STK33: variants seen among roughly 807,000 people sequenced by gnomAD.
STK33 encodes the protein serine/threonine-protein kinase 33.
STK33 carries 52 observed loss-of-function variants against 58.0 expected under a neutral mutation model. The observed-to-expected ratio is 0.90, with a 90% CI of 0.72 to 1.13. STK33 has a LOEUF of 1.13. Among genes scored for constraint, STK33 ranks in the 50% most tolerant of loss-of-function variants. STK33 has a pLI of 0.00. For synonymous variants in STK33, 215 were observed against 200.1 expected, an observed-to-expected ratio of 1.07 and a Z score of -0.63; for missense variants, 630 against 604.2, an observed-to-expected ratio of 1.04 and a Z score of -0.45.
At chr11:8,564,532 T>A (rs1271951298) in intron 1 of STK33, among the ~76,000 whole-genome samples, 3 of 152,194 alleles carry the variant, frequency 2.0e-5, no homozygotes, top group Non-Finnish European at 4.4e-5. Context: ...AACTTTCCAT[T>A]TGCTTGCCCT....
At chr11:8,355,697 A>T in the STK33 span, among the ~76,000 whole-genome samples, 2 of 152,346 alleles carry the variant, frequency 1.3e-5, no homozygotes, top group African/African-American at 4.8e-5. Context: ...ACAGGCCACT[A>T]AGCTTTTCTG....
chr11:8,421,887 G>A (rs181973780), intron 14 of STK33, among the ~76,000 whole-genome samples: 94 of 152,136 alleles, frequency 6.2e-4, no homozygotes, highest in Non-Finnish European at 6.0e-4. Flanking sequence ...CTAATGAGTA[G>A]AAGTGCAATT....
chr11:8,403,249 A>C (rs1047052917), intron 15 of STK33, among the ~76,000 whole-genome samples: 1 of 152,208 alleles, frequency 6.6e-6, no homozygotes, highest in Non-Finnish European at 1.5e-5. Flanking sequence ...TATCATCAGA[A>C]AGCATTTTAG....
At chr11:8,361,459 C>T in the STK33 span, among the ~76,000 whole-genome samples, 1 of 152,084 alleles carries the variant, frequency 6.6e-6, no homozygotes, top group African/African-American at 2.4e-5. The surrounding 1 kb of genome is among the most constrained non-coding windows in gnomAD (Gnocchi z 4.8). Flanking sequence ...AGGCCCCGCC[C>T]TTCACCCCAG....
chr11:8,430,932 T>A (rs1042409006), intron 14 of STK33, among the ~76,000 whole-genome samples: 1 of 150,338 alleles, frequency 6.7e-6, no homozygotes, highest in Non-Finnish European at 1.5e-5. Flanking sequence ...AGTGGTGCGA[T>A]CTTGGCTCAC....
At chr11:8,394,380 T>C (rs996903581) in intron 15 of STK33, among the ~76,000 whole-genome samples, 2 of 152,256 alleles carry the variant, frequency 1.3e-5, no homozygotes, top group South Asian at 2.1e-4. Context: ...TGAATCTAAG[T>C]GTAACCTTCT....
At chr11:8,410,470 CTTTT>C (rs11382344) in intron 15 of STK33, among the ~76,000 whole-genome samples, 2 of 121,846 alleles carry the variant, frequency 1.6e-5, no homozygotes, top group Non-Finnish European at 3.3e-5. Context: ...CTTTTCTTTT[CTTTT>C]TTTTTTTTTT....
chr11:8,593,382 G>A (rs1316402485), intron 1 of STK33, among the ~76,000 whole-genome samples: 3 of 152,122 alleles, frequency 2.0e-5, no homozygotes, highest in Admixed American at 2.0e-4. Flanking sequence ...TATGGGACGG[G>A]GAGCACCAGA....
At chr11:8,455,366 C>T (rs747119066) in intron 9 of STK33, among the ~76,000 whole-genome samples, 1 of 152,098 alleles carries the variant, frequency 6.6e-6, no homozygotes, top group Non-Finnish European at 1.5e-5. Flanking sequence ...AACAAACAAA[C>T]AAAAACCCTT....
chr11:8,396,922 C>T (rs1849452906), intron 15 of STK33, among the ~76,000 whole-genome samples: 1 of 152,200 alleles, frequency 6.6e-6, no homozygotes, highest in Admixed American at 6.5e-5. Context: ...GAGAGGGGCG[C>T]CCGCCATTGC....
At chr11:8,570,258 CA>C (rs1957717573) in intron 1 of STK33, among the ~76,000 whole-genome samples, 1 of 152,066 alleles carries the variant, frequency 6.6e-6, no homozygotes, top group Admixed American at 6.6e-5. Context: ...AAAAGACTGA[CA>C]AAACCAAATA....
At chr11:8,502,174 T>C (rs1303190200) in intron 1 of STK33, among the ~76,000 whole-genome samples, 1 of 152,120 alleles carries the variant, frequency 6.6e-6, no homozygotes, top group African/African-American at 2.4e-5. Flanking sequence ...TTTTAAAAAT[T>C]AAGTCGTCCC....
At chr11:8,577,920 T>C (rs1301265576) in intron 1 of STK33, among the ~76,000 whole-genome samples, 1 of 152,100 alleles carries the variant, frequency 6.6e-6, no homozygotes, top group Non-Finnish European at 1.5e-5. Context: ...ATAACCCTAA[T>C]AAAGGTCAAA....
the STK33 span, among the ~76,000 whole-genome samples, chr11:8,363,722 T>A: frequency 6.6e-6 from 1 of 152,230 alleles, no homozygotes; most frequent in Non-Finnish European, 1.5e-5. Flanking sequence ...AGGAAAAGTA[T>A]AATTGTTCTG....
At chr11:8,345,145 C>T in the STK33 span, among the ~76,000 whole-genome samples, 1 of 152,172 alleles carries the variant, frequency 6.6e-6, no homozygotes, top group Non-Finnish European at 1.5e-5. Flanking sequence ...ATCCCCAAGG[C>T]TCTAAGCATC....
At chr11:8,515,765 T>C (rs1176971446) in intron 1 of STK33, among the ~76,000 whole-genome samples, 1 of 152,122 alleles carries the variant, frequency 6.6e-6, no homozygotes, top group East Asian at 1.9e-4. Flanking sequence ...AGAGAAGCAT[T>C]TGGATAAAAT....
At chr11:8,522,917 G>A (rs554255685) in intron 1 of STK33, among the ~76,000 whole-genome samples, 17 of 152,152 alleles carry the variant, frequency 1.1e-4, no homozygotes, top group Non-Finnish European at 1.9e-4. Context: ...TCAGCCTGCC[G>A]AGTGCCTGGG....
chr11:8,495,014 C>G (rs745857044), intron 1 of STK33, among the ~76,000 whole-genome samples: 3 of 152,254 alleles, frequency 2.0e-5, no homozygotes, highest in African/African-American at 7.2e-5. Flanking sequence ...CTAGCCAATA[C>G]CATTCAGGAC....
intron 1 of STK33, among the ~76,000 whole-genome samples, chr11:8,518,807 T>C (rs1953077719): frequency 6.6e-6 from 1 of 152,182 alleles, no homozygotes; most frequent in African/African-American, 2.4e-5. Flanking sequence ...TAAATATATA[T>C]GCACCTAATA....
Sources: gnomAD v4.1 joint callset for allele counts (sites outside exome capture counted in the v4.1 genomes callset) on GRCh38, gnomAD v4.1.1 for gene constraint, Gnocchi (gnomAD v3.1) non-coding constraint, MANE v1.5 for transcripts, NCBI Gene and HGNC (gene_info 2026-07-23, HGNC 2026-07-21) for gene names.